Variants in ABLIM1 observed in about 807,000 individuals in gnomAD.
ABLIM1 encodes the protein actin binding LIM protein 1, also known as actin-binding LIM protein 1.
Under a neutral mutation model 107.0 loss-of-function variants are expected in ABLIM1, and 40 were observed. That is an observed-to-expected ratio of 0.37 (90% confidence interval 0.29 to 0.49). ABLIM1 has a LOEUF of 0.49. Ranked by LOEUF, ABLIM1 falls within the 20% of genes least tolerant of loss-of-function variation. The pLI is 0.97. For missense variants in ABLIM1, 857 were observed against 1,008.5 expected, an observed-to-expected ratio of 0.85 and a Z score of 2.04; for synonymous variants, 357 against 357.3, an observed-to-expected ratio of 1.00 and a Z score of 0.01.
At chr10:114,781,678 A>AAAATGAT in the ABLIM1 span, among the ~76,000 whole-genome samples, 15 of 147,962 alleles carry the variant, frequency 1.0e-4, no homozygotes, top group African/African-American at 3.5e-4. Context: ...ATATATATAT[A>AAAATGAT]TATATATATA....
intron 12 of ABLIM1, among the ~76,000 whole-genome samples, chr10:114,457,593 A>G (rs1271705657): frequency 2.0e-5 from 3 of 152,254 alleles, no homozygotes; most frequent in East Asian, 1.9e-4. Flanking sequence ...AAATGATATA[A>G]CTTTGAACCC....
At chr10:114,718,738 G>A (rs1179847956) in intron 1 of ABLIM1, among the ~76,000 whole-genome samples, 1 of 152,052 alleles carries the variant, frequency 6.6e-6, no homozygotes, top group Non-Finnish European at 1.5e-5. Flanking sequence ...TCCCATTTTT[G>A]CCCAAGACCT....
intron 1 of ABLIM1, among the ~76,000 whole-genome samples, chr10:114,609,871 A>T (rs2076689372): frequency 6.6e-6 from 1 of 152,256 alleles, no homozygotes; most frequent in African/African-American, 2.4e-5. Flanking sequence ...TTGCCGTAGG[A>T]GGGACTGTTG....
chr10:114,669,368 G>T (rs971493179), intron 1 of ABLIM1, among the ~76,000 whole-genome samples: 2 of 152,134 alleles, frequency 1.3e-5, no homozygotes, highest in Non-Finnish European at 2.9e-5. Context: ...GCCATCCTTG[G>T]ATACCACAGA....
chr10:114,670,046 A>G (rs925569485), intron 1 of ABLIM1, among the ~76,000 whole-genome samples: 1 of 152,202 alleles, frequency 6.6e-6, no homozygotes, highest in Non-Finnish European at 1.5e-5. Context: ...TTAAAGTGTA[A>G]GAAAAAGCTA....
chr10:114,597,333 T>C (rs2075519010), intron 2 of ABLIM1, among the ~76,000 whole-genome samples: 1 of 152,146 alleles, frequency 6.6e-6, no homozygotes, highest in Non-Finnish European at 1.5e-5. Flanking sequence ...GAAGCATCTT[T>C]GGAGAGAGAG....
At chr10:114,478,106 A>G (rs1160697377) in intron 8 of ABLIM1, among the ~76,000 whole-genome samples, 1 of 152,120 alleles carries the variant, frequency 6.6e-6, no homozygotes, top group Non-Finnish European at 1.5e-5. Context: ...TATTTACACT[A>G]TTAATACTGT....
chr10:114,461,124 C>T (rs759607895), intron 12 of ABLIM1, among the ~76,000 whole-genome samples: 3 of 151,310 alleles, frequency 2.0e-5, no homozygotes, highest in Non-Finnish European at 4.4e-5. Flanking sequence ...AGTGCAGTGG[C>T]TCGATCTCAG....
intron 2 of ABLIM1, among the ~76,000 whole-genome samples, chr10:114,584,941 A>C (rs2074021924): frequency 6.6e-6 from 1 of 152,222 alleles, no homozygotes; most frequent in Admixed American, 6.5e-5. Flanking sequence ...TCGTGTCCAA[A>C]CAATATTAAT....
At chr10:114,609,346 C>T (rs761528334) in intron 1 of ABLIM1, among the ~76,000 whole-genome samples, 2 of 152,222 alleles carry the variant, frequency 1.3e-5, no homozygotes, top group Non-Finnish European at 2.9e-5. Flanking sequence ...TTCTCTTCTC[C>T]CCATCTGTCT....
intron 4 of ABLIM1, among the ~76,000 whole-genome samples, chr10:114,562,897 A>G (rs2069978176): frequency 6.6e-6 from 1 of 152,236 alleles, no homozygotes. Flanking sequence ...GCCGTTCAGT[A>G]GCTGACGGTC....
intron 1 of ABLIM1, among the ~76,000 whole-genome samples, chr10:114,612,332 C>T (rs1205580842): frequency 1.3e-5 from 2 of 152,210 alleles, no homozygotes; most frequent in Non-Finnish European, 2.9e-5. Context: ...CTGCCTCCAC[C>T]ATGGGATAAT....
chr10:114,596,807 A>C (rs1328759881), intron 2 of ABLIM1, among the ~76,000 whole-genome samples: 4 of 152,174 alleles, frequency 2.6e-5, no homozygotes, highest in African/African-American at 9.7e-5. Context: ...TTTTTAGCAA[A>C]AAGAGTTCAT....
At chr10:114,726,706 G>T (rs2081967111) in intron 1 of ABLIM1, among the ~76,000 whole-genome samples, 1 of 152,060 alleles carries the variant, frequency 6.6e-6, no homozygotes, top group Admixed American at 6.6e-5. Context: ...CCCTTGAACT[G>T]GGAGACAGAG....
chr10:114,542,489 AAAG>A (rs781700777), intron 6 of ABLIM1, among the ~76,000 whole-genome samples: 7 of 151,698 alleles, frequency 4.6e-5, no homozygotes, highest in African/African-American at 1.4e-4. Flanking sequence ...AAGAAAGATG[AAAG>A]AAGAAGGAAG....
chr10:114,717,537 T>A (rs550582273), intron 1 of ABLIM1, among the ~76,000 whole-genome samples: 1 of 152,228 alleles, frequency 6.6e-6, no homozygotes, highest in Admixed American at 6.5e-5. Context: ...CCAGTTGTGA[T>A]AAAAACATCT....
upstream of ABLIM1, among the ~76,000 whole-genome samples, chr10:114,770,527 C>T (rs191708445): frequency 1.3e-5 from 2 of 152,328 alleles, no homozygotes; most frequent in Admixed American, 1.3e-4. Context: ...CTCCTCCCCA[C>T]CCAAGTTAAC....
chr10:114,607,249 A>T (rs1180840277), intron 1 of ABLIM1, among the ~76,000 whole-genome samples: 1 of 152,108 alleles, frequency 6.6e-6, no homozygotes. Context: ...TTTAGTGGAG[A>T]CGGGGTTTCA....
chr10:114,760,505 A>C (rs531306578), intron 1 of ABLIM1, among the ~76,000 whole-genome samples: 8 of 151,972 alleles, frequency 5.3e-5, no homozygotes, highest in Non-Finnish European at 8.8e-5. Flanking sequence ...TTTTACTACA[A>C]ATTCAAGGAC....
Sources: gnomAD v4.1 joint callset for allele counts (sites outside exome capture counted in the v4.1 genomes callset) on GRCh38, gnomAD v4.1.1 for gene constraint, MANE v1.5 for transcripts, NCBI Gene and HGNC (gene_info 2026-07-23, HGNC 2026-07-21) for gene names.